The following LEPROTL1 variants were observed in gnomAD, a reference collection of about 807,000 sequenced individuals.
The protein encoded by LEPROTL1 is leptin receptor overlapping transcript-like 1.
LEPROTL1 carries 6 observed loss-of-function variants against 15.4 expected under a neutral mutation model. That is an observed-to-expected ratio of 0.39 (90% confidence interval 0.21 to 0.77). The LOEUF (loss-of-function observed/expected upper bound fraction) is 0.77, where lower values mean the gene tolerates loss of function less well. Among genes scored for constraint, LEPROTL1 ranks in the 30% least tolerant of loss-of-function variants. The pLI is 0.41. For synonymous variants in LEPROTL1, 56 were observed against 52.6 expected (o/e 1.06, Z -0.28); for missense variants, 128 against 158.1 (o/e 0.81, Z 1.02).
intron 2 of LEPROTL1, 68 bp downstream of exon 2, chr8:30,102,041 AT>A (rs1802474763): frequency 2.0e-6 from 2 of 998,380 alleles, no homozygotes; most frequent in African/African-American, 1.7e-5. Flanking sequence ...GCTTAAAAAA[AT>A]GTTTTTTTAC....
intron 3 of LEPROTL1, among the ~76,000 whole-genome samples, chr8:30,124,790 T>C (rs1432743586): frequency 2.0e-5 from 3 of 152,202 alleles, no homozygotes; most frequent in African/African-American, 7.2e-5. Flanking sequence ...ACCTTTGCTC[T>C]TCTCTTCAAT....
chr8:30,115,745 T>C (rs1320150947), intron 3 of LEPROTL1, among the ~76,000 whole-genome samples: 2 of 151,988 alleles, frequency 1.3e-5, no homozygotes, highest in African/African-American at 4.8e-5. Context: ...ATTATTCTCA[T>C]TAGTAATCCA....
intron 1 of LEPROTL1, among the ~76,000 whole-genome samples, chr8:30,100,754 T>G (rs1050510767): frequency 6.6e-6 from 1 of 152,160 alleles, no homozygotes; most frequent in African/African-American, 2.4e-5. Context: ...CGGCTATCAT[T>G]TATTTCTTTG....
In LEPROTL1 at chr8:30,105,907, T is replaced by C; in HGVS notation, c.*45T>C. 1 of 1,449,710 alleles carries C rather than the reference T, an allele frequency of 6.9e-7. No individual in the cohort carries two copies. The highest frequency in any genetic ancestry group is 1.5e-5 in the South Asian group (1 of 68,186). The allele number at this position is 1,449,710 out of a possible 1,614,324, so 89.8% of individuals were successfully genotyped here. ...TGTCAAATGGACTTCCTGTCATTTG[T>C]TGGCCATTCACGCACACAGGAGATG... On this transcript the variant is annotated 3_prime_UTR_variant, in exon 4 of 4. Coordinates refer to ENST00000321250, the MANE Select transcript of LEPROTL1 (RefSeq NM_015344.3).
chr8:30,097,684 A>AAAT (rs1554482385), intron 1 of LEPROTL1, among the ~76,000 whole-genome samples: 1 of 128,358 alleles, frequency 7.8e-6, no homozygotes, highest in Non-Finnish European at 1.6e-5. Flanking sequence ...AAAAAAAAAA[A>AAAT]ATATATATAT....
intron 4 of LEPROTL1, among the ~76,000 whole-genome samples, chr8:30,133,189 T>C (rs1010905673): frequency 6.6e-6 from 1 of 152,184 alleles, no homozygotes; most frequent in Admixed American, 6.5e-5. Flanking sequence ...AGTGCTGGGA[T>C]TACAGGCATG....
intron 1 of LEPROTL1, chr8:30,096,541 T>C (rs1802370490): frequency 8.4e-6 from 2 of 238,096 alleles, no homozygotes; most frequent in African/African-American, 4.7e-5. Flanking sequence ...CTGAAAACAT[T>C]TCATTTCCCA....
intron 3 of LEPROTL1, chr8:30,131,868 A>G (rs1282722189): frequency 2.8e-6 from 4 of 1,453,450 alleles, no homozygotes; most frequent in East Asian, 2.5e-5. Context: ...GTTCAAATGT[A>G]TGCATTATCG....
intron 4 of LEPROTL1, among the ~76,000 whole-genome samples, chr8:30,133,728 G>T (rs1376999140): frequency 1.4e-5 from 2 of 147,762 alleles, no homozygotes; most frequent in East Asian, 2.0e-4. Context: ...GTTCAAGGCT[G>T]CAGTGAGCTA....
At chr8:30,097,398 C>T (rs1306384338) in intron 1 of LEPROTL1, among the ~76,000 whole-genome samples, 1 of 151,866 alleles carries the variant, frequency 6.6e-6, no homozygotes, top group African/African-American at 2.4e-5. Flanking sequence ...TTAATCCTGG[C>T]GCGGTGGCTC....
downstream of LEPROTL1, among the ~76,000 whole-genome samples, chr8:30,111,798 G>A (rs1373109387): frequency 6.6e-6 from 1 of 152,218 alleles, no homozygotes; most frequent in Non-Finnish European, 1.5e-5. Context: ...TCTTGTGCCA[G>A]CCAGCAGGGT....
chr8:30,095,990 C>T (rs1238776541), intron 1 of LEPROTL1: 4 of 653,078 alleles, frequency 6.1e-6, no homozygotes, highest in Non-Finnish European at 1.1e-5. Context: ...TCTGCGGGCG[C>T]TGCACGGGTC....
intron 3 of LEPROTL1, among the ~76,000 whole-genome samples, chr8:30,120,040 T>G (rs1183697750): frequency 6.6e-6 from 1 of 151,864 alleles, no homozygotes; most frequent in African/African-American, 2.4e-5. Context: ...CACTCCAGAC[T>G]GGGCAACAGA....
intron 3 of LEPROTL1, among the ~76,000 whole-genome samples, chr8:30,125,479 C>A (rs1448801167): frequency 6.6e-6 from 1 of 152,138 alleles, no homozygotes; most frequent in Admixed American, 6.6e-5. Context: ...TTATAAAGAA[C>A]CTTGAGCACT....
At chr8:30,104,870 G>A (rs12155727) in intron 3 of LEPROTL1, 8,407 of 155,470 alleles carry the variant, frequency 0.054, 266 homozygotes, top group Middle Eastern at 0.083. Flanking sequence ...CCGCCACCAC[G>A]CCCAGCTGAT....
At chr8:30,100,846 C>T (rs1240458312) in intron 1 of LEPROTL1, among the ~76,000 whole-genome samples, 2 of 147,172 alleles carry the variant, frequency 1.4e-5, no homozygotes, top group Non-Finnish European at 3.0e-5. Flanking sequence ...TTAAAATGTA[C>T]TGCTGTGTGT....
Position 30,104,336 on chromosome 8 carries a change from C to A in LEPROTL1, c.129C>A (p.Ile43=). The A allele has an allele frequency of 6.4e-7, 1 of 1,569,662 alleles. No homozygotes were observed. The highest frequency in any genetic ancestry group is 2.3e-5 in the East Asian group (1 of 43,194). ...YWPLFVLFFY[I]LSPIPYCIAR... is the part of the protein sequence containing the mutation. ...CCCTCTTTGTTCTATTTTTTTACAT[C>A]CTTTCACCTATTCCATACTGCATAG... The change falls in exon 3 of 4, where the codon ATC becomes ATA. Residue 43 remains isoleucine (I), a synonymous_variant. Transcript: ENST00000321250.
At chr8:30,102,438 G>A (rs1341439916) in intron 2 of LEPROTL1, among the ~76,000 whole-genome samples, 1 of 152,048 alleles carries the variant, frequency 6.6e-6, no homozygotes, top group Non-Finnish European at 1.5e-5. Context: ...ATTGCCTGAG[G>A]TCAGGAGTTC....
At chr8:30,130,065 A>T (rs1451966049) in intron 3 of LEPROTL1, among the ~76,000 whole-genome samples, 1 of 152,178 alleles carries the variant, frequency 6.6e-6, no homozygotes, top group Admixed American at 6.5e-5. Context: ...GACACTGGGG[A>T]TTACAATTCA....
Sources: allele counts gnomAD v4.1 joint callset (sites outside exome capture counted in the v4.1 genomes callset), GRCh38; gene constraint gnomAD v4.1.1; transcripts MANE v1.5; gene names NCBI Gene and HGNC (gene_info 2026-07-23, HGNC 2026-07-21).